The following HIP1R variants were observed in gnomAD, a reference collection of about 807,000 sequenced individuals.
HIP1R encodes the protein huntingtin interacting protein 1 related.
A neutral mutation model predicts 144.2 loss-of-function variants in HIP1R; 135 were observed. The observed-to-expected ratio is 0.94, with a 90% CI of 0.81 to 1.08. HIP1R has a LOEUF of 1.08. HIP1R is among the 50% of genes least tolerant of loss of function. The pLI, the probability that HIP1R is intolerant of heterozygous loss-of-function variation, is 0.00. For synonymous variants in HIP1R, 698 were observed against 612.8 expected (o/e 1.14, Z -2.05); for missense variants, 1,462 against 1,432.8 (o/e 1.02, Z -0.33).
chr12:122,862,794 CAGCCCT>C lies in HIP1R; in HGVS notation c.*1048_*1053del, dbSNP rs935216421. On this transcript the variant is annotated 3_prime_UTR_variant, in exon 32 of 32. Transcript: ENST00000253083. ...CCATGCCCTCCTGCTCCCCCCACCC[CAGCCCT>C]AGCCCTTTAGCCTTTCACCCTGTGC... 1.3e-5 allele frequency: 2 copies of C among 152,170 alleles called. No homozygotes were observed. The highest frequency in any genetic ancestry group is 6.5e-5 in the Admixed American group (1 of 15,286). The allele number at this position is 152,170 out of a possible 1,614,324, so 9.4% of individuals were successfully genotyped here.
chr12:122,860,302 C>A, intron 26 of HIP1R, 92 bp downstream of exon 26: 1 of 1,539,810 alleles, frequency 6.5e-7, no homozygotes, highest in Non-Finnish European at 8.9e-7. Context: ...CCCCCTACCA[C>A]AGGGAGGCCT....
rs545043313 is a variant in HIP1R, at chr12:122,835,647, AGCGGGCG to A, written c.93+30_93+36del. 0.023 allele frequency: 24,767 copies of A among 1,075,634 alleles called. 402 individuals carry two copies. The highest frequency in any genetic ancestry group is 0.026 in the Non-Finnish European group (23,126 of 890,524). 66.6% of individuals were successfully genotyped at this position (1,075,634 alleles called of 1,614,324 possible). A position where few individuals can be genotyped will look rare whatever the true frequency, so the allele number is the denominator to read the frequency against. ...CGAGCAGTTCGACAAGACCCAGGCG[AGCGGGCG>A]GCGGGCGGCGGGCGGCGGGCGGCGG... On this transcript the variant is annotated splice_donor_5th_base_variant and intron_variant, in intron 1 of 31. Transcript: ENST00000253083.
upstream of HIP1R, chr12:122,835,347 C>A: frequency 1.1e-6 from 1 of 911,210 alleles, no homozygotes; most frequent in Non-Finnish European, 1.3e-6. Flanking sequence ...GCGGGCGAGG[C>A]GTTTGCGGGC....
intron 1 of HIP1R, among the ~76,000 whole-genome samples, chr12:122,844,070 C>G (rs2033139506): frequency 6.6e-6 from 1 of 152,134 alleles, no homozygotes; most frequent in African/African-American, 2.4e-5. Context: ...AACTCCTGAC[C>G]TCAAGTGATC....
chr12:122,847,931 CA>C, intron 1 of HIP1R, 99 bp from the exon 2 acceptor site: 2 of 1,135,926 alleles, frequency 1.8e-6, no homozygotes, highest in Non-Finnish European at 1.3e-6. Context: ...GCCTTGAACC[CA>C]GGCAGAATCC....
Position 122,859,327 on chromosome 12 carries a change from C to A in HIP1R, c.2296-99C>A, listed in dbSNP as rs1177298741. On this transcript the variant is annotated intron_variant, in intron 22 of 31. Transcript: ENST00000253083. ...CTCAGGACACAGGGTGGGGACCATGCACCCTCCTCGATCCCTGTGGTCCCC... is the reference window on the plus strand; with the variant it reads ...CTCAGGACACAGGGTGGGGACCATGAACCCTCCTCGATCCCTGTGGTCCCC... 17 of 1,458,234 alleles carry A rather than the reference C, an allele frequency of 1.2e-5. No individual in the cohort carries two copies. The Admixed American group carries it at 2.5e-4, about 21-fold the overall frequency. 90.3% of individuals were successfully genotyped at this position (1,458,234 alleles called of 1,614,324 possible).
rs138504921 is a variant in HIP1R, at chr12:122,854,100, G to C, written c.635G>C (p.Arg212Pro). 18 of 1,613,602 alleles carry C rather than the reference G, an allele frequency of 1.1e-5. No individual in the cohort carries two copies. Among genetic ancestry groups the C allele is most frequent in the Non-Finnish European group, 1.5e-5 (18 of 1,179,858 alleles). Residue 212 changes from arginine (R) to proline (P), a missense_variant, in exon 8 of 32, where the codon CGC (arginine) becomes CCC (proline). Transcript: ENST00000253083. ...AVSQMSSGQC[R>P]LAPLIQVIQD... ...TCCCAGATGTCCTCAGGCCAGTGCC[G>C]CCTGGCCCCCCTCATCCAGGTCATC...
intron 6 of HIP1R, 92 bp from the exon 7 acceptor site, chr12:122,851,144 G>A (rs1006023622): frequency 7.8e-6 from 9 of 1,159,348 alleles, no homozygotes; most frequent in South Asian, 3.2e-5. Context: ...TGGTGTCGGC[G>A]GTGCCCCCGT....
chr12:122,859,089 G>A lies in HIP1R; in HGVS notation c.2187G>A (p.Gly729=), dbSNP rs2033684350. Residue 729 remains glycine (G), a synonymous_variant, in exon 22 of 32, where the codon GGG becomes GGA. Coordinates refer to ENST00000253083, the MANE Select transcript of HIP1R (RefSeq NM_003959.3). ...DRLIDTCREC[G]ARALELMGQL... ...TCATAGACACCTGCAGGGAGTGCGGGGCCCGGGCTCTGGAGCTCATGGGGC... is the reference window on the plus strand; with the variant it reads ...TCATAGACACCTGCAGGGAGTGCGGAGCCCGGGCTCTGGAGCTCATGGGGC... 1 of 1,604,196 alleles carries A rather than the reference G, an allele frequency of 6.2e-7. No individual in the cohort carries two copies. The highest frequency in any genetic ancestry group is 1.3e-5 in the African/African-American group (1 of 74,684).
At position 122,861,811 on chromosome 12, in the gene HIP1R, T is replaced by C; in HGVS notation, c.*58T>C. 6.5e-7 allele frequency: 1 copy of C among 1,541,764 alleles called. No individual in the cohort carries two copies. On this transcript the variant is annotated 3_prime_UTR_variant, in exon 32 of 32. Coordinates refer to ENST00000253083, the MANE Select transcript of HIP1R (RefSeq NM_003959.3). The stretch of plus-strand genomic sequence containing the variant: ...CAGGCCTGGGCCTCTGCAACTGCCC[T>C]GACAGGACCGAGAGGCCTTGCCCCT...
upstream of HIP1R, chr12:122,834,908 A>T: frequency 7.9e-7 from 1 of 1,273,582 alleles, no homozygotes. Context: ...TAAGACCAAA[A>T]AGGAAAAAAA....
chr12:122,855,410 GC>G lies in HIP1R; in HGVS notation c.993+10del. ...CCCCCCGCGGGGGAGCCAGTGGTGA[GC>G]CCCCTGCCCAGCCCGTGTCCCCCAG... On this transcript the variant is annotated splice_donor_region_variant and intron_variant, in intron 11 of 31. Coordinates refer to ENST00000253083, the MANE Select transcript of HIP1R (RefSeq NM_003959.3). 1.3e-6 allele frequency: 2 copies of G among 1,559,542 alleles called. No individual in the cohort carries two copies. The highest frequency in any genetic ancestry group is 1.7e-6 in the Non-Finnish European group (2 of 1,153,040).
chr12:122,837,972 T>C (rs2032954585), intron 1 of HIP1R, among the ~76,000 whole-genome samples: 1 of 152,142 alleles, frequency 6.6e-6, no homozygotes, highest in Admixed American at 6.5e-5. Context: ...GGACCTGGCT[T>C]CCTTTGTAAT....
Position 122,850,851 on chromosome 12 carries a change from C to T in HIP1R, c.455C>T (p.Ala152Val), listed in dbSNP as rs151322438. ...TCTCCACAGCATCCCCAGTTTCCCG[C>T]GGGCCTGGAGGTGACAGATGAGGTA... Reference protein sequence around the residue: ...SFHLKHPQFPAGLEVTDEVLE... With the variant: ...SFHLKHPQFPVGLEVTDEVLE... The change falls in exon 6 of 32, where the codon GCG (alanine) becomes GTG (valine). Residue 152 changes from alanine (A) to valine (V), a missense_variant. Physicochemically the swap from Ala to Val is moderately conservative, Grantham distance 64 (BLOSUM62 0). Around this residue, in one of 2 missense-constraint regions of HIP1R, gnomAD observed 350 missense variants for 421.1 expected, o/e 0.83. Coordinates refer to ENST00000253083, the MANE Select transcript of HIP1R (RefSeq NM_003959.3). The T allele has an allele frequency of 4.6e-4, 733 of 1,609,002 alleles. No homozygotes were observed. Among genetic ancestry groups the T allele is most frequent in the South Asian group, 9.0e-4 (81 of 90,092 alleles).
intron 17 of HIP1R, 64 bp from the exon 18 acceptor site, chr12:122,856,956 TG>T: frequency 1.0e-6 from 1 of 960,390 alleles, no homozygotes; most frequent in Non-Finnish European, 1.4e-6. Flanking sequence ...TTTATAAGCG[TG>T]GGGGCAGGGT....
At chr12:122,848,964 C>T (rs2033293849) in intron 4 of HIP1R, 112 bp downstream of exon 4, 2 of 1,108,776 alleles carry the variant, frequency 1.8e-6, no homozygotes. Context: ...CTGGGTTTTC[C>T]CAGGGGCGAC....
At chr12:122,846,548 C>T (rs1273014932) in intron 1 of HIP1R, among the ~76,000 whole-genome samples, 1 of 152,220 alleles carries the variant, frequency 6.6e-6, no homozygotes, top group East Asian at 1.9e-4. Context: ...GGAGCTGAGG[C>T]CTGGGGGCCA....
At chr12:122,855,203 G>A (rs2033529189) in intron 10 of HIP1R, 62 bp from the exon 11 acceptor site, 1 of 1,610,996 alleles carries the variant, frequency 6.2e-7, no homozygotes, top group South Asian at 1.1e-5. Flanking sequence ...AGGCTATGGA[G>A]ATGGCGGAAG....
At position 122,856,275 on chromosome 12, in the gene HIP1R, G is replaced by T. The variant is rs1244876280; in HGVS notation, c.1332G>T (p.Glu444Asp). The change falls in exon 15 of 32, where the codon GAG becomes GAT. Residue 444 changes from glutamate (E) to aspartate (D), a missense_variant. This residue lies in a region of HIP1R where 1,112 missense variants were observed against 1,011.7 expected (regional missense o/e 1.10). Transcript: ENST00000253083. ...EEAERKASAT[E>D]ARYNKLKEKH... ...CCCCAGGGAAGGCCAGTGCCACGGAGGCGCGCTACAACAAGCTGAAGGAAA... is the reference window on the plus strand; with the variant it reads ...CCCCAGGGAAGGCCAGTGCCACGGATGCGCGCTACAACAAGCTGAAGGAAA... 6.2e-7 allele frequency: 1 copy of T among 1,613,700 alleles called. No homozygotes were observed. The highest frequency in any genetic ancestry group is 8.5e-7 in the Non-Finnish European group (1 of 1,180,002).
Sources: gnomAD v4.1 joint callset for allele counts (sites outside exome capture counted in the v4.1 genomes callset) on GRCh38, gnomAD v4.1.1 for gene constraint, gnomAD v4.1.1 regional missense constraint, MANE v1.5 for transcripts, NCBI Gene and HGNC (gene_info 2026-07-23, HGNC 2026-07-21) for gene names.